PCDHGB4: variants seen among roughly 807,000 people sequenced by gnomAD.
PCDHGB4 encodes protocadherin gamma subfamily B, 4, also known as protocadherin gamma-B4.
A neutral mutation model predicts 60.5 loss-of-function variants in PCDHGB4; 38 were observed. That is an observed-to-expected ratio of 0.63 (90% CI 0.48 to 0.82). PCDHGB4 has a LOEUF of 0.82. PCDHGB4 is among the 40% of genes least tolerant of loss of function. PCDHGB4 has a pLI of 0.00. For synonymous variants in PCDHGB4, 456 were observed against 509.7 expected, an observed-to-expected ratio of 0.89 and a Z score of 1.42; for missense variants, 1,109 against 1,209.6, an observed-to-expected ratio of 0.92 and a Z score of 1.23.
chr5:141,424,116 T>G, intron 1 of PCDHGB4: 1 of 667,648 alleles, frequency 1.5e-6, no homozygotes, highest in Non-Finnish European at 1.9e-6. Context: ...GTTCAAATTT[T>G]GATCCTGTTG....
rs778960850 is a variant in PCDHGB4, at chr5:141,389,261, G to A, written c.1377G>A (p.Val459=). 2.0e-5 allele frequency: 32 copies of A among 1,613,890 alleles called. No homozygotes were observed. The East Asian group carries it at 7.1e-4, about 36-fold the overall frequency. ...CACAGTCTTCCTATATAGTCCACGT[G>A]GCCGAGAACAACCCGCCTGGAGCCT... ...VFSQSSYIVH[V]AENNPPGASI... is the part of the protein sequence containing the mutation. The change falls in exon 1 of 4, where the codon GTG becomes GTA. Residue 459 remains valine (V), a synonymous_variant. Coordinates refer to ENST00000519479, the MANE Select transcript of PCDHGB4 (RefSeq NM_003736.4).
In PCDHGB4 at chr5:141,431,584, G is replaced by C. The variant is rs201462681; in HGVS notation, c.2397+41303G>C. 5.0e-6 allele frequency: 8 copies of C among 1,614,192 alleles called. No individual in the cohort carries two copies. The Admixed American group carries it at 1.3e-4, about 27-fold the overall frequency. ...CCGACCCTGACGAAGGAGTCAATGC[G>C]GAAGTGAGGTATTCCTTCCGGTATG... On this transcript the variant is annotated intron_variant, in intron 1 of 3. Transcript: ENST00000519479. This position sits in a 1 kb window ranked among gnomAD's most constrained non-coding sequence, Gnocchi z 4.8.
chr5:141,420,252 C>G (rs745697672), intron 1 of PCDHGB4: 2 of 1,576,604 alleles, frequency 1.3e-6, no homozygotes, highest in Non-Finnish European at 1.7e-6. Flanking sequence ...AGCGTTGAAG[C>G]AGATAAGAAG....
At chr5:141,399,348 C>G (rs1287526689) in intron 1 of PCDHGB4, 1 of 1,613,940 alleles carries the variant, frequency 6.2e-7, no homozygotes, top group Non-Finnish European at 8.5e-7. Flanking sequence ...GAACCCTAGA[C>G]CGAGAGCAAA....
intron 1 of PCDHGB4, chr5:141,395,737 A>T (rs2093305517): frequency 6.5e-6 from 1 of 152,906 alleles, no homozygotes; most frequent in Non-Finnish European, 1.5e-5. Flanking sequence ...TTCACTTTAA[A>T]CCTCTTTTCT....
rs1471068729 is a variant in PCDHGB4, at chr5:141,389,836, C to T, written c.1952C>T (p.Pro651Leu). Residue 651 changes from proline (P) to leucine (L), a missense_variant, in exon 1 of 4, where the codon CCA (proline) becomes CTA (leucine). Transcript: ENST00000519479. ...LVAVRDGGQP[P>L]LSATATLHLV... is the part of the protein sequence containing the mutation. Reference sequence around the variant, plus strand: ...GCCGTGCGTGACGGTGGACAGCCACCACTCTCGGCCACTGCCACGTTGCAC... The same window carrying T: ...GCCGTGCGTGACGGTGGACAGCCACTACTCTCGGCCACTGCCACGTTGCAC... 1.2e-6 allele frequency: 2 copies of T among 1,613,874 alleles called. No homozygotes were observed. Among genetic ancestry groups the T allele is most frequent in the Non-Finnish European group, 1.7e-6 (2 of 1,179,908 alleles).
chr5:141,451,914 A>G (rs1387569597), intron 1 of PCDHGB4, among the ~76,000 whole-genome samples: 3 of 152,022 alleles, frequency 2.0e-5, no homozygotes, highest in East Asian at 1.9e-4. Context: ...GGGAGGGAGG[A>G]AGGAAGGGAG....
intron 2 of PCDHGB4, among the ~76,000 whole-genome samples, chr5:141,496,391 A>G (rs1473991011): frequency 1.3e-5 from 2 of 151,930 alleles, no homozygotes; most frequent in Admixed American, 6.6e-5. Flanking sequence ...ACCTTACCCT[A>G]CCTCCTCAAT....
intron 1 of PCDHGB4, chr5:141,418,790 G>A (rs1434374059): frequency 2.5e-6 from 4 of 1,613,758 alleles, no homozygotes; most frequent in Admixed American, 3.3e-5. Flanking sequence ...GGATTTTGAA[G>A]AAGTAGAAAG....
intron 1 of PCDHGB4, among the ~76,000 whole-genome samples, chr5:141,456,105 G>T (rs2098843517): frequency 6.6e-6 from 1 of 151,978 alleles, no homozygotes; most frequent in Non-Finnish European, 1.5e-5. Context: ...CACCGTGTTA[G>T]CCAGGATGGT....
At chr5:141,507,831 T>C (rs2099864030) in intron 3 of PCDHGB4, among the ~76,000 whole-genome samples, 1 of 152,134 alleles carries the variant, frequency 6.6e-6, no homozygotes, top group African/African-American at 2.4e-5. Context: ...GTGGAGGTGG[T>C]GGGTCAGGCC....
In PCDHGB4 at chr5:141,486,288, T is replaced by G. The variant is rs1181533037; in HGVS notation, c.2398-8519T>G. ...GAACCTGGCACTGTGGTGGCACTTA[T>G]CAGTGTGCAGGATCCAGACTCAGGG... On this transcript the variant is annotated intron_variant, in intron 1 of 3. Transcript: ENST00000519479. This position sits in a 1 kb window ranked among gnomAD's most constrained non-coding sequence, Gnocchi z 5.0. The G allele has an allele frequency of 6.2e-7, 1 of 1,613,996 alleles. No individual in the cohort carries two copies. The highest frequency in any genetic ancestry group is 1.7e-5 in the Admixed American group (1 of 60,000).
chr5:141,387,843 G>A lies in PCDHGB4; in HGVS notation c.-42G>A. On this transcript the variant is annotated 5_prime_UTR_variant, in exon 1 of 4. Coordinates refer to ENST00000519479, the MANE Select transcript of PCDHGB4 (RefSeq NM_003736.4). ...GCAATACAGAGGTTATTTGTAACCC[G>A]GCGTCTCCAGGCTGGTGAGCAAGCT... is the stretch of plus-strand genomic sequence containing the variant. 3.1e-6 allele frequency: 5 copies of A among 1,597,072 alleles called. No individual in the cohort carries two copies. Among genetic ancestry groups the A allele is most frequent in the Admixed American group, 1.7e-5 (1 of 57,546 alleles).
chr5:141,423,832 T>G, intron 1 of PCDHGB4: 113 of 1,253,376 alleles, frequency 9.0e-5, no homozygotes, highest in East Asian at 2.6e-4. Context: ...TTTCATGAGA[T>G]TACGATAATC....
At chr5:141,492,385 G>A (rs1224771842) in intron 1 of PCDHGB4, among the ~76,000 whole-genome samples, 1 of 152,208 alleles carries the variant, frequency 6.6e-6, no homozygotes, top group Non-Finnish European at 1.5e-5. Context: ...GGCCTGTTCC[G>A]GTCCACTCGC....
intron 1 of PCDHGB4, 144 bp from the exon 2 acceptor site, chr5:141,494,663 G>A: frequency 6.7e-7 from 1 of 1,499,356 alleles, no homozygotes; most frequent in Non-Finnish European, 9.0e-7. Flanking sequence ...TGTCTTTGGA[G>A]ATGAGTCCAC....
At chr5:141,398,573 G>A (rs561224063) in intron 1 of PCDHGB4, 39 of 1,613,870 alleles carry the variant, frequency 2.4e-5, no homozygotes, top group Non-Finnish European at 3.1e-5. Flanking sequence ...GCACAGCCTG[G>A]CACAAGATTT....
intron 1 of PCDHGB4, chr5:141,400,422 T>C (rs1460679509): frequency 1.2e-6 from 2 of 1,613,936 alleles, no homozygotes; most frequent in Non-Finnish European, 1.7e-6. Flanking sequence ...TCCTAAAATG[T>C]AGTGAGCAAT....
Position 141,490,867 on chromosome 5 carries a change from C to G in PCDHGB4, c.2398-3940C>G. ...GGGGGTTCGAGACTCCGGCTCTCCC[C>G]CATTGCATGCCAACACATCTCTGCA... On this transcript the variant is annotated intron_variant, in intron 1 of 3. Coordinates refer to ENST00000519479, the MANE Select transcript of PCDHGB4 (RefSeq NM_003736.4). This position sits in a 1 kb window ranked among gnomAD's most constrained non-coding sequence, Gnocchi z 5.4. 6.2e-7 allele frequency: 1 copy of G among 1,613,912 alleles called. No individual in the cohort carries two copies. The highest frequency in any genetic ancestry group is 8.5e-7 in the Non-Finnish European group (1 of 1,179,936).
Sources: gnomAD v4.1 joint callset for allele counts (sites outside exome capture counted in the v4.1 genomes callset) on GRCh38, gnomAD v4.1.1 for gene constraint, Gnocchi (gnomAD v3.1) non-coding constraint, MANE v1.5 for transcripts, NCBI Gene and HGNC (gene_info 2026-07-23, HGNC 2026-07-21) for gene names.